PLAG1: variants seen among roughly 807,000 people sequenced by gnomAD.
The protein encoded by PLAG1 is PLAG1 zinc finger, also known as zinc finger protein PLAG1.
Under a neutral mutation model 35.5 loss-of-function variants are expected in PLAG1, and 7 were observed. The ratio of observed to expected loss-of-function variants is 0.20; its 90% CI spans 0.11 to 0.37. PLAG1 has a LOEUF of 0.37. Among genes scored for constraint, PLAG1 ranks in the 10% least tolerant of loss-of-function variants. The pLI is 1.00. For synonymous variants in PLAG1, 229 were observed against 225.4 expected (o/e 1.02, Z -0.14); for missense variants, 454 against 602.8 (o/e 0.75, Z 2.58).
chr8:56,210,847 C>T (rs532737915), intron 1 of PLAG1, among the ~76,000 whole-genome samples: 1 of 151,250 alleles, frequency 6.6e-6, no homozygotes, highest in African/African-American at 2.4e-5. Context: ...TTTTTCCCAC[C>T]GACCTCACCT....
intron 1 of PLAG1, among the ~76,000 whole-genome samples, chr8:56,196,081 A>T (rs1451501209): frequency 6.6e-6 from 1 of 152,168 alleles, no homozygotes; most frequent in Non-Finnish European, 1.5e-5. Flanking sequence ...GTTGGCCAGA[A>T]AGGTGCTGTC....
At chr8:56,196,944 T>TTGTGTG (rs1441255592) in intron 1 of PLAG1, among the ~76,000 whole-genome samples, 3 of 97,208 alleles carry the variant, frequency 3.1e-5, no homozygotes, top group African/African-American at 1.4e-4. Context: ...TCTCCCTCCC[T>TTGTGTG]AGTGTGCGTG....
intron 1 of PLAG1, among the ~76,000 whole-genome samples, chr8:56,193,101 T>C (rs1812235409): frequency 6.6e-6 from 1 of 152,260 alleles, no homozygotes; most frequent in South Asian, 2.1e-4. Flanking sequence ...TAAGGAATTA[T>C]TGTTCTTTTG....
At chr8:56,170,764 T>C (rs2129225512) in intron 3 of PLAG1, among the ~76,000 whole-genome samples, 1 of 152,292 alleles carries the variant, frequency 6.6e-6, no homozygotes, top group African/African-American at 2.4e-5. Flanking sequence ...ATACAAACAT[T>C]TGATTGTTAC....
intron 1 of PLAG1, among the ~76,000 whole-genome samples, chr8:56,195,315 C>T (rs1812327203): frequency 6.6e-6 from 1 of 152,120 alleles, no homozygotes; most frequent in East Asian, 1.9e-4. Flanking sequence ...CAAGACAATA[C>T]CCATGTTAGG....
chr8:56,210,828 GTT>G (rs879595849), intron 1 of PLAG1, among the ~76,000 whole-genome samples: 1 of 144,018 alleles, frequency 6.9e-6, no homozygotes, highest in African/African-American at 2.5e-5. Flanking sequence ...CTGAATAAAG[GTT>G]TTTTTTTTTT....
intron 3 of PLAG1, among the ~76,000 whole-genome samples, chr8:56,168,955 C>A (rs1427307813): frequency 1.3e-5 from 2 of 152,176 alleles, no homozygotes; most frequent in East Asian, 3.8e-4. Flanking sequence ...CGAAGTGATG[C>A]ATTATACCAG....
At chr8:56,203,273 A>C (rs577411131) in intron 1 of PLAG1, among the ~76,000 whole-genome samples, 10 of 152,302 alleles carry the variant, frequency 6.6e-5, no homozygotes, top group African/African-American at 1.9e-4. Context: ...AAAATTATGT[A>C]TATTTCAGCA....
Position 56,165,344 on chromosome 8 carries a change from G to C in PLAG1, c.*899C>G, listed in dbSNP as rs57103486. On this transcript the variant is annotated 3_prime_UTR_variant, in exon 5 of 5. Coordinates refer to ENST00000316981, the MANE Select transcript of PLAG1 (RefSeq NM_002655.3). ...AATGGCTCTAGATTATGGACTAACCGTGGGCCAACAATGAAAATAAATTGC... is the reference window on the plus strand; with the variant it reads ...AATGGCTCTAGATTATGGACTAACCCTGGGCCAACAATGAAAATAAATTGC... 32,163 of 216,498 alleles carry C rather than the reference G, an allele frequency of 0.15. 3,128 individuals carry two copies. Among genetic ancestry groups the C allele is most frequent in the East Asian group, 0.4 (5,896 of 14,630 alleles). 13.4% of individuals were successfully genotyped at this position (216,498 alleles called of 1,614,324 possible). A position where few individuals can be genotyped will look rare whatever the true frequency, so the allele number is the denominator to read the frequency against.
At chr8:56,210,295 T>C (rs1248151731) in intron 1 of PLAG1, among the ~76,000 whole-genome samples, 3 of 152,126 alleles carry the variant, frequency 2.0e-5, no homozygotes, top group African/African-American at 7.2e-5. Context: ...TAAAAATTTT[T>C]ATTTGGTTAT....
intron 1 of PLAG1, among the ~76,000 whole-genome samples, chr8:56,191,247 A>C (rs1812173881): frequency 6.6e-6 from 1 of 152,180 alleles, no homozygotes; most frequent in Admixed American, 6.5e-5. Context: ...GAGAAGCAGA[A>C]CATTCTAGAG....
At position 56,207,852 on chromosome 8, in the gene PLAG1, G is replaced by A. The variant is rs192807860; in HGVS notation, c.-322+3269C>T. Among the ~76,000 whole-genome samples, 169 of 152,126 alleles carry A rather than the reference G, an allele frequency of 1.1e-3. 3 individuals carry two copies. The East Asian group carries it at 0.023, about 20-fold the overall frequency. Reference sequence around the variant, plus strand: ...CCCATCTAAATAAGACTCTCTAAGCGATTACAGATTTTAGATTGGTGCACT... The same window carrying A: ...CCCATCTAAATAAGACTCTCTAAGCAATTACAGATTTTAGATTGGTGCACT... On this transcript the variant is annotated intron_variant, in intron 1 of 4. Transcript: ENST00000316981.
At position 56,161,488 on chromosome 8, in the gene PLAG1, G is replaced by A. The variant is rs1228243768; in HGVS notation, c.*4755C>T. The A allele has an allele frequency of 1.3e-5, 3 of 225,688 alleles. No homozygotes were observed. The Admixed American group carries it at 1.7e-4, about 13-fold the overall frequency. 14.0% of individuals were successfully genotyped at this position (225,688 alleles called of 1,614,324 possible). On this transcript the variant is annotated 3_prime_UTR_variant, in exon 5 of 5. Transcript: ENST00000316981. ...TTTTGTTAAATTCAAAGGGCTGTTA[G>A]TAACATACAGCATGTTCTTCACTCC...
Position 56,192,416 on chromosome 8 carries a change from A to G in PLAG1, c.-321-12903T>C, listed in dbSNP as rs77344978. 9.5e-4 allele frequency among the ~76,000 whole-genome samples: 144 copies of G among 152,380 alleles called. No homozygotes were observed. In the East Asian group the frequency reaches 0.025, roughly 27 times the overall value. ...AGGGAAGGCTAAATAAACTGTGGTC[A>G]TTCATTCTCAAGTGGTATAGCTTTT... is the stretch of plus-strand genomic sequence containing the variant. On this transcript the variant is annotated intron_variant, in intron 1 of 4. Coordinates refer to ENST00000316981, the MANE Select transcript of PLAG1 (RefSeq NM_002655.3).
At position 56,167,813 on chromosome 8, in the gene PLAG1, A is replaced by G. The variant is rs1306292640; in HGVS notation, c.242+215T>C. 6.6e-6 allele frequency among the ~76,000 whole-genome samples: 1 copy of G among 152,238 alleles called. No individual in the cohort carries two copies. The highest frequency in any genetic ancestry group is 1.5e-5 in the Non-Finnish European group (1 of 68,050). On this transcript the variant is annotated intron_variant, in intron 4 of 4. Transcript: ENST00000316981. The surrounding 1 kb of genome is among the most constrained non-coding windows in gnomAD (Gnocchi z 5.9). ...ATTTCTTTCTACAAATGGAAATTCT[A>G]CTCATTAAGCATTTTATTTTAAAAA...
At chr8:56,193,841 A>C (rs1812265803) in intron 1 of PLAG1, among the ~76,000 whole-genome samples, 1 of 151,732 alleles carries the variant, frequency 6.6e-6, no homozygotes. Flanking sequence ...GGCACCTGCT[A>C]TTCGGTAGCA....
At chr8:56,183,049 G>T (rs1257075253) in intron 1 of PLAG1, among the ~76,000 whole-genome samples, 1 of 152,174 alleles carries the variant, frequency 6.6e-6, no homozygotes, top group African/African-American at 2.4e-5. Context: ...AATGGCACTT[G>T]GCTAGGGGAA....
At chr8:56,169,666 C>T (rs185220326) in intron 3 of PLAG1, among the ~76,000 whole-genome samples, 1 of 152,106 alleles carries the variant, frequency 6.6e-6, no homozygotes, top group South Asian at 2.1e-4. Context: ...CTCAGCCTCC[C>T]GAGTAGCTGG....
chr8:56,200,660 A>G (rs1020104068), intron 1 of PLAG1, among the ~76,000 whole-genome samples: 1 of 152,162 alleles, frequency 6.6e-6, no homozygotes, highest in Non-Finnish European at 1.5e-5. Context: ...GTACCCTTGC[A>G]AACCATCCTC....
Sources: allele counts gnomAD v4.1 joint callset (sites outside exome capture counted in the v4.1 genomes callset), GRCh38; gene constraint gnomAD v4.1.1; non-coding constraint Gnocchi (gnomAD v3.1); transcripts MANE v1.5; gene names NCBI Gene and HGNC (gene_info 2026-07-23, HGNC 2026-07-21).